The following DIP2C variants were observed in gnomAD, a reference collection of about 807,000 sequenced individuals.
DIP2C encodes DIP2 acetate--CoA ligase C (putative).
DIP2C carries 33 observed loss-of-function variants against 192.4 expected under a neutral mutation model. That is an observed-to-expected ratio of 0.17 (90% confidence interval 0.13 to 0.23). The LOEUF is 0.23. Among genes scored for constraint, DIP2C ranks in the 10% least tolerant of loss-of-function variants. The pLI is 1.00. For synonymous variants in DIP2C, 979 were observed against 864.1 expected (o/e 1.13, Z -2.33); for missense variants, 1,537 against 2,110.1 (o/e 0.73, Z 5.32).
chr10:299,556 G>A (rs370004914), intron 32 of DIP2C, among the ~76,000 whole-genome samples: 1 of 152,200 alleles, frequency 6.6e-6, no homozygotes, highest in African/African-American at 2.4e-5. Flanking sequence ...GACTGTTAAA[G>A]GAACAGTCAT....
At chr10:638,830 A>G (rs1203522174) in intron 1 of DIP2C, among the ~76,000 whole-genome samples, 1 of 152,230 alleles carries the variant, frequency 6.6e-6, no homozygotes, top group African/African-American at 2.4e-5. Context: ...GAGTAATGGA[A>G]AGAGGTGCCC....
intron 22 of DIP2C, among the ~76,000 whole-genome samples, chr10:360,289 G>A (rs78424440): frequency 0.046 from 6,974 of 152,252 alleles, 281 homozygotes; most frequent in East Asian, 0.2. Flanking sequence ...GGCAGCAGCT[G>A]ACAGTGTCCC....
intron 1 of DIP2C, among the ~76,000 whole-genome samples, chr10:532,716 G>GGT (rs1199479601): frequency 9.3e-6 from 1 of 107,112 alleles, no homozygotes; most frequent in South Asian, 2.8e-4. Context: ...AGAGAGTATG[G>GGT]GTGTGAGAGA....
At chr10:416,397 C>T (rs1965637689) in intron 6 of DIP2C, among the ~76,000 whole-genome samples, 1 of 152,108 alleles carries the variant, frequency 6.6e-6, no homozygotes, top group South Asian at 2.1e-4. Flanking sequence ...CCCCAGCATC[C>T]CACAGCCCCG....
At chr10:359,653 C>A (rs1798355299) in intron 22 of DIP2C, among the ~76,000 whole-genome samples, 1 of 152,196 alleles carries the variant, frequency 6.6e-6, no homozygotes, top group South Asian at 2.1e-4. Context: ...GTGGTGGGAA[C>A]AATTGCCCCT....
chr10:350,379 A>G (rs537633929), intron 24 of DIP2C, among the ~76,000 whole-genome samples: 1 of 152,334 alleles, frequency 6.6e-6, no homozygotes, highest in Admixed American at 6.5e-5. Flanking sequence ...ATAAATTACA[A>G]ATTATAAGCA....
chr10:309,110 G>A (rs1382451693), intron 32 of DIP2C, among the ~76,000 whole-genome samples: 1 of 152,218 alleles, frequency 6.6e-6, no homozygotes. Flanking sequence ...CACCTCTACA[G>A]TCACCAAGTG....
At chr10:578,920 C>T (rs1215941704) in intron 1 of DIP2C, among the ~76,000 whole-genome samples, 6 of 151,638 alleles carry the variant, frequency 4.0e-5, no homozygotes, top group African/African-American at 1.5e-4. Flanking sequence ...AGTGTGTGCA[C>T]ATAGGCACAC....
chr10:494,442 C>A (rs923303912), intron 1 of DIP2C, among the ~76,000 whole-genome samples: 3 of 152,188 alleles, frequency 2.0e-5, no homozygotes, highest in Non-Finnish European at 4.4e-5. Flanking sequence ...CTCCCTCACC[C>A]AGAGTCTGAC....
intron 1 of DIP2C, among the ~76,000 whole-genome samples, chr10:559,211 CTT>C (rs1419108768): frequency 6.6e-6 from 1 of 152,158 alleles, no homozygotes; most frequent in Admixed American, 6.5e-5. Flanking sequence ...AGGTGAATCA[CTT>C]TAATAATGAG....
chr10:549,529 T>C (rs7080530), intron 1 of DIP2C, among the ~76,000 whole-genome samples: 39,453 of 152,068 alleles, frequency 0.26, 7,263 homozygotes, highest in African/African-American at 0.52. Context: ...ACAGCCTGCT[T>C]GGGCGCCAGT....
chr10:574,418 A>G (rs1850019749), intron 1 of DIP2C, among the ~76,000 whole-genome samples: 1 of 152,268 alleles, frequency 6.6e-6, no homozygotes, highest in African/African-American at 2.4e-5. Flanking sequence ...ATATTTCAAC[A>G]TGCTAACGAT....
chr10:283,225 C>A, intron 35 of DIP2C, 47 bp downstream of exon 35: 1 of 1,562,598 alleles, frequency 6.4e-7, no homozygotes, highest in Non-Finnish European at 8.6e-7. Context: ...AGGAGCCTAA[C>A]CTCTCTGCCC....
At chr10:543,034 A>G (rs1848091773) in intron 1 of DIP2C, among the ~76,000 whole-genome samples, 1 of 152,214 alleles carries the variant, frequency 6.6e-6, no homozygotes, top group Non-Finnish European at 1.5e-5. Flanking sequence ...TGACACCAAT[A>G]CCAAAAGTCA....
intron 1 of DIP2C, among the ~76,000 whole-genome samples, chr10:577,207 A>G (rs1311824527): frequency 6.6e-6 from 1 of 152,236 alleles, no homozygotes; most frequent in Non-Finnish European, 1.5e-5. Flanking sequence ...ATCCTGACAT[A>G]GCACTGACAC....
chr10:485,506 A>C (rs1258586583), intron 2 of DIP2C, among the ~76,000 whole-genome samples: 1 of 152,192 alleles, frequency 6.6e-6, no homozygotes, highest in Non-Finnish European at 1.5e-5. Context: ...CTGTCTCAAA[A>C]ATCAAGGCAA....
Position 355,259 on chromosome 10 carries a change from C to G in DIP2C, c.2985+1167G>C, listed in dbSNP as rs148440898. ...ACAGTGAACGACCAATGGCTGGGAT[C>G]AACTCAGCATCCGTGACAACGTCAA... On this transcript the variant is annotated intron_variant, in intron 24 of 36. Coordinates refer to ENST00000280886, the MANE Select transcript of DIP2C (RefSeq NM_014974.3). Among the ~76,000 whole-genome samples the G allele has an allele frequency of 1.7e-3, 257 of 152,314 alleles. 1 individual carries two copies. Among genetic ancestry groups the G allele is most frequent in the Non-Finnish European group, 3.0e-3 (206 of 68,030 alleles).
rs909173322 is a variant in DIP2C at position 514,640 on chromosome 10, C to T, written c.86-28110G>A. Among the ~76,000 whole-genome samples the T allele has an allele frequency of 2.6e-5, 4 of 152,102 alleles. No homozygotes were observed. In the South Asian group the frequency reaches 8.3e-4, roughly 32 times the overall value. On this transcript the variant is annotated intron_variant, in intron 1 of 36. Coordinates refer to ENST00000280886, the MANE Select transcript of DIP2C (RefSeq NM_014974.3). ...CTCCCTTCGCCACCTCCTCCTGGCC[C>T]CTGACACCGACCCTCACCACTGCTG... is the stretch of plus-strand genomic sequence containing the variant.
intron 28 of DIP2C, among the ~76,000 whole-genome samples, chr10:342,236 G>A (rs1958186757): frequency 6.6e-6 from 1 of 151,888 alleles, no homozygotes; most frequent in Non-Finnish European, 1.5e-5. Context: ...TCCGCTCACT[G>A]CAAACTCCGC....
Sources: gnomAD v4.1 joint callset for allele counts (sites outside exome capture counted in the v4.1 genomes callset) on GRCh38, gnomAD v4.1.1 for gene constraint, MANE v1.5 for transcripts, NCBI Gene and HGNC (gene_info 2026-07-23, HGNC 2026-07-21) for gene names.